The following MBD5 variants were observed in gnomAD, a reference collection of about 807,000 sequenced individuals.
The protein encoded by MBD5 is methyl-CpG-binding domain protein 5.
In MBD5, 13 loss-of-function variants were observed where a neutral mutation model predicts 117.3. The ratio of observed to expected loss-of-function variants is 0.11; its 90% CI spans 0.07 to 0.18. The LOEUF (loss-of-function observed/expected upper bound fraction) is 0.18, where lower values mean the gene tolerates loss of function less well. MBD5 is among the 10% of genes least tolerant of loss of function. MBD5 has a pLI of 1.00. For missense variants in MBD5, 1,879 were observed against 2,093.8 expected, an observed-to-expected ratio of 0.90 and a Z score of 2.00; for synonymous variants, 727 against 766.4, an observed-to-expected ratio of 0.95 and a Z score of 0.85.
chr2:148,154,843 G>C (rs886575428), intron 1 of MBD5, among the ~76,000 whole-genome samples: 28 of 152,148 alleles, frequency 1.8e-4, no homozygotes, highest in Non-Finnish European at 2.9e-4. Context: ...GCACTCCCTA[G>C]TGAGATGAAC....
At chr2:148,395,110 G>T (rs533329271) in intron 4 of MBD5, among the ~76,000 whole-genome samples, 1 of 152,168 alleles carries the variant, frequency 6.6e-6, no homozygotes, top group African/African-American at 2.4e-5. Context: ...AAAGCTATGA[G>T]ATACCAATGC....
intron 3 of MBD5, among the ~76,000 whole-genome samples, chr2:148,303,432 A>G: frequency 6.6e-6 from 1 of 152,196 alleles, no homozygotes; most frequent in African/African-American, 2.4e-5. Flanking sequence ...AAGGGGAAGT[A>G]TTGGAGGTTA....
chr2:148,275,290 C>A (rs921996779), intron 3 of MBD5, among the ~76,000 whole-genome samples: 8 of 151,904 alleles, frequency 5.3e-5, no homozygotes, highest in African/African-American at 1.9e-4. Context: ...TATTGCTTCC[C>A]CTCCATCCAT....
chr2:148,248,119 T>G (rs1700379361), intron 3 of MBD5, among the ~76,000 whole-genome samples: 1 of 152,106 alleles, frequency 6.6e-6, no homozygotes, highest in African/African-American at 2.4e-5. Flanking sequence ...AACAAGAGAC[T>G]GTCAAAATCG....
At chr2:148,206,826 G>A (rs1699294747) in intron 2 of MBD5, among the ~76,000 whole-genome samples, 1 of 152,316 alleles carries the variant, frequency 6.6e-6, no homozygotes, top group East Asian at 1.9e-4. Context: ...CAGTCTCATT[G>A]TGAATACACA....
intron 1 of MBD5, among the ~76,000 whole-genome samples, chr2:148,087,647 C>T (rs1048616011): frequency 2.6e-5 from 4 of 152,130 alleles, no homozygotes; most frequent in Non-Finnish European, 4.4e-5. Context: ...CTCAGGAAGC[C>T]CCATTCCTAG....
chr2:148,146,765 C>T (rs1031925289), intron 1 of MBD5, among the ~76,000 whole-genome samples: 2 of 152,096 alleles, frequency 1.3e-5, no homozygotes, highest in African/African-American at 2.4e-5. Flanking sequence ...ATATCTGAGG[C>T]TCTTTTAATT....
At chr2:148,395,876 T>C (rs73015191) in intron 4 of MBD5, among the ~76,000 whole-genome samples, 2 of 152,184 alleles carry the variant, frequency 1.3e-5, no homozygotes, top group Admixed American at 1.3e-4. Context: ...CACCTCATGA[T>C]GTGAACAGGC....
chr2:148,337,646 C>A (rs1702832341), intron 3 of MBD5, among the ~76,000 whole-genome samples: 1 of 151,292 alleles, frequency 6.6e-6, no homozygotes, highest in Non-Finnish European at 1.5e-5. Context: ...CTTTTTATAT[C>A]TTTAAAATTC....
chr2:148,234,994 G>T (rs967972529), intron 3 of MBD5, among the ~76,000 whole-genome samples: 3 of 152,046 alleles, frequency 2.0e-5, no homozygotes, highest in Non-Finnish European at 4.4e-5. Flanking sequence ...ATCTGCAAGG[G>T]ATTGACTCCA....
At chr2:148,269,450 A>G (rs1700932621) in intron 3 of MBD5, among the ~76,000 whole-genome samples, 1 of 151,816 alleles carries the variant, frequency 6.6e-6, no homozygotes, top group African/African-American at 2.4e-5. Context: ...TTGTATTTCT[A>G]GAAAATTTTT....
intron 1 of MBD5, among the ~76,000 whole-genome samples, chr2:148,085,714 A>G (rs1324311599): frequency 1.3e-5 from 2 of 151,314 alleles, no homozygotes; most frequent in Non-Finnish European, 2.9e-5. Flanking sequence ...ACATAGCGAG[A>G]CTCCGTCTCA....
intron 2 of MBD5, among the ~76,000 whole-genome samples, chr2:148,179,302 C>A (rs1454587434): frequency 6.6e-6 from 1 of 151,192 alleles, no homozygotes; most frequent in African/African-American, 2.4e-5. Flanking sequence ...TTGCAGTGAG[C>A]CGAGATCGCA....
chr2:148,309,822 G>A (rs1362541802), intron 3 of MBD5, among the ~76,000 whole-genome samples: 2 of 152,154 alleles, frequency 1.3e-5, no homozygotes, highest in African/African-American at 4.8e-5. Flanking sequence ...ATTATTTTGA[G>A]ATACATTCCA....
At chr2:148,057,835 A>C (rs1694912611) in intron 1 of MBD5, among the ~76,000 whole-genome samples, 1 of 151,924 alleles carries the variant, frequency 6.6e-6, no homozygotes, top group Non-Finnish European at 1.5e-5. Context: ...TAAAAAAAAT[A>C]AAGTTAGATT....
chr2:148,434,238 T>G (rs951577968), intron 4 of MBD5, among the ~76,000 whole-genome samples: 26 of 152,128 alleles, frequency 1.7e-4, no homozygotes, highest in Non-Finnish European at 1.5e-4. Flanking sequence ...CTTTGTCATT[T>G]CTAATTGTGT....
intron 3 of MBD5, among the ~76,000 whole-genome samples, chr2:148,310,794 T>C (rs1702011367): frequency 6.6e-6 from 1 of 152,208 alleles, no homozygotes; most frequent in African/African-American, 2.4e-5. Flanking sequence ...GTCCTATAAA[T>C]TTCCCCCTAA....
At chr2:148,057,373 T>G (rs779850364) in intron 1 of MBD5, among the ~76,000 whole-genome samples, 1 of 151,920 alleles carries the variant, frequency 6.6e-6, no homozygotes, top group Non-Finnish European at 1.5e-5. Context: ...CTTTAAGTAC[T>G]GCTTTAGCTA....
intron 1 of MBD5, among the ~76,000 whole-genome samples, chr2:148,029,066 C>A (rs1693973183): frequency 6.6e-6 from 1 of 152,084 alleles, no homozygotes; most frequent in Non-Finnish European, 1.5e-5. Flanking sequence ...GTTCAGTTTA[C>A]TATGTATCAG....
Sources: gnomAD v4.1 joint callset for allele counts (sites outside exome capture counted in the v4.1 genomes callset) on GRCh38, gnomAD v4.1.1 for gene constraint, MANE v1.5 for transcripts, NCBI Gene and HGNC (gene_info 2026-07-23, HGNC 2026-07-21) for gene names.